Variants in PLPPR1 observed in about 807,000 individuals in gnomAD.
PLPPR1 encodes phospholipid phosphatase-related protein type 1.
In PLPPR1, 10 loss-of-function variants were observed where a neutral mutation model predicts 33.1. That is an observed-to-expected ratio of 0.30 (90% confidence interval 0.19 to 0.51). The LOEUF (loss-of-function observed/expected upper bound fraction) is 0.51. Among genes scored for constraint, PLPPR1 ranks in the 20% least tolerant of loss-of-function variants. The probability of loss-of-function intolerance (pLI) is 0.97; values close to 1 mark genes in which losing one functional copy is unlikely to be tolerated. For missense variants in PLPPR1, 304 were observed against 408.1 expected, an observed-to-expected ratio of 0.74 and a Z score of 2.20; for synonymous variants, 151 against 151.0, an observed-to-expected ratio of 1.00 and a Z score of 0.00.
chr9:101,052,791 C>T (rs1346433157), intron 1 of PLPPR1, among the ~76,000 whole-genome samples: 1 of 152,140 alleles, frequency 6.6e-6, no homozygotes, highest in African/African-American at 2.4e-5. Context: ...ACTTTTTAAT[C>T]AGAGCTGCAA....
Position 101,096,893 on chromosome 9 carries a change from C to G in PLPPR1, c.-46+67791C>G, listed in dbSNP as rs542907155. ...CACTCTGGGTAACATAGTGAGACCC[C>G]ATCTCTACAAAAAAATTTAAAACTT... is the stretch of plus-strand genomic sequence containing the variant. On this transcript the variant is annotated intron_variant, in intron 1 of 7. Coordinates refer to ENST00000374874, the MANE Select transcript of PLPPR1 (RefSeq NM_207299.2). Among the ~76,000 whole-genome samples the G allele has an allele frequency of 5.9e-5, 9 of 151,836 alleles. No individual in the cohort carries two copies. The South Asian group carries it at 1.5e-3, about 25-fold the overall frequency.
intron 2 of PLPPR1, among the ~76,000 whole-genome samples, chr9:101,227,795 G>T (rs1390867837): frequency 2.0e-5 from 3 of 151,902 alleles, no homozygotes; most frequent in Non-Finnish European, 2.9e-5. Flanking sequence ...TTTGTTTTTT[G>T]TGATGGAGTC....
intron 1 of PLPPR1, among the ~76,000 whole-genome samples, chr9:101,032,845 A>G (rs1007379923): frequency 4.6e-5 from 7 of 152,174 alleles, no homozygotes; most frequent in African/African-American, 1.2e-4. Context: ...AAGAAATAGC[A>G]TCATGACTCT....
chr9:101,288,606 CTT>C (rs1284639361), intron 4 of PLPPR1, among the ~76,000 whole-genome samples: 3 of 152,166 alleles, frequency 2.0e-5, no homozygotes, highest in Non-Finnish European at 2.9e-5. Context: ...CGCTTTCCCT[CTT>C]TTGTTTTTTA....
chr9:101,040,489 G>A (rs1830063835), intron 1 of PLPPR1, among the ~76,000 whole-genome samples: 1 of 152,086 alleles, frequency 6.6e-6, no homozygotes, highest in African/African-American at 2.4e-5. Context: ...TTGGGTGTGA[G>A]CTGTGGTTGA....
intron 1 of PLPPR1, among the ~76,000 whole-genome samples, chr9:101,169,676 CT>C (rs1460499195): frequency 6.8e-6 from 1 of 146,094 alleles, no homozygotes; most frequent in African/African-American, 2.5e-5. Flanking sequence ...AAAAAAATTG[CT>C]TTTTGTTACA....
intron 3 of PLPPR1, among the ~76,000 whole-genome samples, chr9:101,278,033 A>G (rs1828229425): frequency 6.6e-6 from 1 of 152,224 alleles, no homozygotes; most frequent in South Asian, 2.1e-4. Flanking sequence ...GCCCGCATTC[A>G]GGAAACAGCA....
chr9:101,206,080 T>C (rs1826584213), intron 2 of PLPPR1, among the ~76,000 whole-genome samples: 1 of 152,134 alleles, frequency 6.6e-6, no homozygotes, highest in Admixed American at 6.5e-5. Flanking sequence ...AATGGGAGAA[T>C]TGTTAAAGTC....
At chr9:101,218,825 T>C (rs1252131241) in intron 2 of PLPPR1, among the ~76,000 whole-genome samples, 1 of 152,128 alleles carries the variant, frequency 6.6e-6, no homozygotes, top group African/African-American at 2.4e-5. Context: ...AAGACTATTA[T>C]AAAGATTTCA....
intron 2 of PLPPR1, among the ~76,000 whole-genome samples, chr9:101,243,700 G>T (rs1008200197): frequency 2.6e-5 from 4 of 151,946 alleles, no homozygotes; most frequent in African/African-American, 9.7e-5. Context: ...TGTGGATTAA[G>T]AAATAAGGGT....
intron 2 of PLPPR1, among the ~76,000 whole-genome samples, chr9:101,204,126 GT>G (rs1826545710): frequency 6.6e-6 from 1 of 152,136 alleles, no homozygotes; most frequent in Admixed American, 6.5e-5. Flanking sequence ...AGTTTACTGA[GT>G]TAACCTAAGC....
chr9:101,186,467 G>A (rs545526139), intron 2 of PLPPR1, among the ~76,000 whole-genome samples: 64 of 151,720 alleles, frequency 4.2e-4, no homozygotes, highest in African/African-American at 1.5e-3. Flanking sequence ...CTTTCTTACG[G>A]CATCTTTTAG....
At chr9:101,076,888 A>G (rs1276446486) in intron 1 of PLPPR1, among the ~76,000 whole-genome samples, 3 of 152,136 alleles carry the variant, frequency 2.0e-5, no homozygotes, top group African/African-American at 4.8e-5. Flanking sequence ...TTCTTCCACT[A>G]CTCACATTTG....
At chr9:101,287,825 GT>G (rs1828421983) in intron 4 of PLPPR1, among the ~76,000 whole-genome samples, 1 of 152,062 alleles carries the variant, frequency 6.6e-6, no homozygotes. Flanking sequence ...CATAGTCCTA[GT>G]TGTACATATG....
At chr9:101,246,155 G>T (rs1827608893) in intron 2 of PLPPR1, among the ~76,000 whole-genome samples, 1 of 145,226 alleles carries the variant, frequency 6.9e-6, no homozygotes, top group African/African-American at 2.5e-5. Context: ...TAGGGAAAAT[G>T]ACATTTAAAT....
intron 3 of PLPPR1, among the ~76,000 whole-genome samples, chr9:101,281,593 G>A (rs562266755): frequency 6.6e-6 from 1 of 151,822 alleles, no homozygotes; most frequent in South Asian, 2.1e-4. Flanking sequence ...AGAGAACCCA[G>A]AAATTAATAA....
chr9:101,050,124 G>GAC (rs1830201278), intron 1 of PLPPR1, among the ~76,000 whole-genome samples: 1 of 35,182 alleles, frequency 2.8e-5, no homozygotes, highest in Non-Finnish European at 6.7e-5. Flanking sequence ...CTCCAACTCA[G>GAC]AAAAAAAAAA....
chr9:101,166,875 A>G lies in PLPPR1; in HGVS notation c.-45-18575A>G, dbSNP rs1233066705. ...CAGGCAAACCATGGCCAACCCCAGC[A>G]TTGTCTCAGTTCTGCTATGAAATCT... On this transcript the variant is annotated intron_variant, in intron 1 of 7. Transcript: ENST00000374874. Among the ~76,000 whole-genome samples, 3 of 151,812 alleles carry G rather than the reference A, an allele frequency of 2.0e-5. No homozygotes were observed. The East Asian group carries it at 6.0e-4, about 30-fold the overall frequency.
chr9:101,248,094 C>A (rs1385125125), intron 2 of PLPPR1, among the ~76,000 whole-genome samples: 3 of 152,010 alleles, frequency 2.0e-5, no homozygotes, highest in African/African-American at 7.2e-5. Context: ...GGTGATGAAG[C>A]TCAGACCAGC....
Sources: gnomAD v4.1 joint callset for allele counts (sites outside exome capture counted in the v4.1 genomes callset) on GRCh38, gnomAD v4.1.1 for gene constraint, MANE v1.5 for transcripts, NCBI Gene and HGNC (gene_info 2026-07-23, HGNC 2026-07-21) for gene names.